The following PCED1B variants were observed in gnomAD, a reference collection of about 807,000 sequenced individuals.
The protein encoded by PCED1B is PC-esterase domain-containing protein 1B.
For synonymous variants in PCED1B, 251 were observed against 246.1 expected, an observed-to-expected ratio of 1.02 and a Z score of -0.19; for missense variants, 573 against 573.9, an observed-to-expected ratio of 1.00 and a Z score of 0.02.
intron 2 of PCED1B, among the ~76,000 whole-genome samples, chr12:47,120,016 A>G (rs1443111370): frequency 6.6e-6 from 1 of 152,118 alleles, no homozygotes; most frequent in African/African-American, 2.4e-5. Context: ...CAATTAAAAA[A>G]TAGAAAAATG....
intron 2 of PCED1B, among the ~76,000 whole-genome samples, chr12:47,108,098 A>AGCC (rs1248813728): frequency 1.3e-4 from 20 of 152,184 alleles, no homozygotes; most frequent in African/African-American, 4.8e-4. Context: ...GCTGGTGGGA[A>AGCC]GCCTCCTATC....
At chr12:47,131,213 T>C (rs1940111295) in intron 2 of PCED1B, among the ~76,000 whole-genome samples, 1 of 152,146 alleles carries the variant, frequency 6.6e-6, no homozygotes, top group African/African-American at 2.4e-5. Context: ...CTTGCTGGCA[T>C]AGAAAATAAA....
intron 2 of PCED1B, among the ~76,000 whole-genome samples, chr12:47,191,255 G>C (rs765546254): frequency 5.9e-5 from 9 of 152,114 alleles, no homozygotes; most frequent in Non-Finnish European, 1.2e-4. Flanking sequence ...TTTTTACAAA[G>C]GGACACCACT....
At chr12:47,091,424 T>G (rs1253516982) in intron 1 of PCED1B, among the ~76,000 whole-genome samples, 1 of 152,144 alleles carries the variant, frequency 6.6e-6, no homozygotes, top group African/African-American at 2.4e-5. Flanking sequence ...TAGATTTGTG[T>G]TTTTTAATCA....
At chr12:47,186,894 A>G (rs1326879749) in intron 2 of PCED1B, among the ~76,000 whole-genome samples, 1 of 152,218 alleles carries the variant, frequency 6.6e-6, no homozygotes, top group Non-Finnish European at 1.5e-5. Context: ...TATTGGCCAG[A>G]ACAAGGTCAA....
At chr12:47,106,011 TGGA>T (rs959544783) in intron 2 of PCED1B, among the ~76,000 whole-genome samples, 1 of 152,194 alleles carries the variant, frequency 6.6e-6, no homozygotes, top group East Asian at 1.9e-4. Flanking sequence ...AACTTAAATC[TGGA>T]GGAGAACTTC....
At chr12:47,179,929 T>C (rs534001592) in intron 2 of PCED1B, among the ~76,000 whole-genome samples, 1 of 152,306 alleles carries the variant, frequency 6.6e-6, no homozygotes, top group South Asian at 2.1e-4. Context: ...TACTAGCAGT[T>C]AATTTTTTTC....
chr12:47,204,430 G>A (rs1484189815), intron 2 of PCED1B, among the ~76,000 whole-genome samples: 2 of 152,030 alleles, frequency 1.3e-5, no homozygotes, highest in Non-Finnish European at 2.9e-5. Flanking sequence ...TGATTTCTTT[G>A]AGCAGTGGTT....
At chr12:47,132,200 T>C (rs1366679775) in intron 2 of PCED1B, among the ~76,000 whole-genome samples, 1 of 152,214 alleles carries the variant, frequency 6.6e-6, no homozygotes, top group Non-Finnish European at 1.5e-5. Flanking sequence ...CTCATTTGCA[T>C]GTGAGCTTCT....
chr12:47,183,444 G>C (rs1942158523), intron 2 of PCED1B, among the ~76,000 whole-genome samples: 2 of 152,116 alleles, frequency 1.3e-5, no homozygotes, highest in Admixed American at 1.3e-4. Context: ...ACTTAAATAG[G>C]CAATGTATCT....
chr12:47,234,307 C>T (rs1051117042), intron 3 of PCED1B, among the ~76,000 whole-genome samples: 4 of 152,158 alleles, frequency 2.6e-5, no homozygotes, highest in African/African-American at 9.7e-5. Context: ...TGCTCTTGAG[C>T]TAGCACAGGT....
rs761281915 is a variant in PCED1B, at chr12:47,235,180, G to A, written c.117G>A (p.Lys39=). 7.5e-6 allele frequency: 12 copies of A among 1,592,574 alleles called. No individual in the cohort carries two copies. Among genetic ancestry groups the A allele is most frequent in the Non-Finnish European group, 1.0e-5 (12 of 1,168,722 alleles). Residue 39 remains lysine, a synonymous_variant, in exon 4 of 4, where the codon AAG becomes AAA. Transcript: ENST00000546455. The stretch of plus-strand genomic sequence containing the variant: ...AGGACCTGGTGCTTCTGCTGCAGAA[G>A]GACCGCCTGCTCACTCCCGGGCAGC... The part of the protein sequence containing the change: ...VYKDLVLLLQ[K]DRLLTPGQLR...
Position 47,160,293 on chromosome 12 carries a change from C to CTTTTTTTTTTTTT in PCED1B, c.-525-55917_-525-55905dup, listed in dbSNP as rs59856338. Among the ~76,000 whole-genome samples the CTTTTTTTTTTTTT allele has an allele frequency of 1.6e-3, 110 of 69,240 alleles. 1 individual carries two copies. The highest frequency in any genetic ancestry group is 1.8e-3 in the Non-Finnish European group (73 of 39,732). 45.4% of individuals were successfully genotyped at this position (69,240 alleles called of 152,430 possible). A position where few individuals can be genotyped will look rare whatever the true frequency, so the allele number is the denominator to read the frequency against. On this transcript the variant is annotated intron_variant, in intron 2 of 3. Transcript: ENST00000546455. ...TTTCTTTCTTTTTCTTTTTCTTTTT[C>CTTTTTTTTTTTTT]TTTTTTTTTTTTTTTTTTTTTTTTG...
rs894190654 is a variant in PCED1B, at chr12:47,174,755, A to G, written c.-525-41467A>G. ...TTAAGTGGTTCTCTGCCTTTTCTAC[A>G]TCAGAGCATAGAGGTTAAGTGCATA... On this transcript the variant is annotated intron_variant, in intron 2 of 3. Transcript: ENST00000546455. Among the ~76,000 whole-genome samples, 4 of 152,192 alleles carry G rather than the reference A, an allele frequency of 2.6e-5. No individual in the cohort carries two copies. The East Asian group carries it at 7.7e-4, about 29-fold the overall frequency.
chr12:47,186,398 T>C (rs1406826665), intron 2 of PCED1B, among the ~76,000 whole-genome samples: 1 of 152,052 alleles, frequency 6.6e-6, no homozygotes, highest in Non-Finnish European at 1.5e-5. Context: ...CGTTTTGTTT[T>C]TGTAGATTCC....
chr12:47,161,157 C>T (rs1941364532), intron 2 of PCED1B, among the ~76,000 whole-genome samples: 1 of 152,190 alleles, frequency 6.6e-6, no homozygotes, highest in South Asian at 2.1e-4. Flanking sequence ...TTATAAATCA[C>T]TCAGTCTCAG....
rs1943264875 is a variant in PCED1B, at chr12:47,216,514, A to G, written c.-233A>G. ...CCACCGGAAATGTCATCTTCTCCCC[A>G]GACGCTGGCTTGCAAGCACAGCAGC... On this transcript the variant is annotated 5_prime_UTR_variant, in exon 3 of 4. Transcript: ENST00000546455. 6.6e-6 allele frequency: 1 copy of G among 152,196 alleles called. No homozygotes were observed. Among genetic ancestry groups the G allele is most frequent in the African/African-American group, 2.4e-5 (1 of 41,428 alleles). The allele number at this position is 152,196 out of a possible 1,614,324, so 9.4% of individuals were successfully genotyped here. A position where few individuals can be genotyped will look rare whatever the true frequency, so the allele number is the denominator to read the frequency against.
chr12:47,105,522 G>A (rs543867882), intron 2 of PCED1B, among the ~76,000 whole-genome samples: 1 of 152,294 alleles, frequency 6.6e-6, no homozygotes, highest in African/African-American at 2.4e-5. Flanking sequence ...GGCTTGATGG[G>A]AGGAAAATTA....
chr12:47,115,700 A>G (rs1939389464), intron 2 of PCED1B, among the ~76,000 whole-genome samples: 1 of 152,240 alleles, frequency 6.6e-6, no homozygotes, highest in Non-Finnish European at 1.5e-5. Flanking sequence ...CACCTAATGT[A>G]CAACCATTTA....
Sources: gnomAD v4.1 joint callset for allele counts (sites outside exome capture counted in the v4.1 genomes callset) on GRCh38, gnomAD v4.1.1 for gene constraint, MANE v1.5 for transcripts, NCBI Gene and HGNC (gene_info 2026-07-23, HGNC 2026-07-21) for gene names.